The following CCDC146 variants were observed in gnomAD, a reference collection of about 807,000 sequenced individuals.
The protein encoded by CCDC146 is coiled-coil domain containing 146, also known as coiled-coil domain-containing protein 146.
In CCDC146, 92 loss-of-function variants were observed where a neutral mutation model predicts 119.3. The ratio of observed to expected loss-of-function variants is 0.77; its 90% CI spans 0.65 to 0.92. The LOEUF (loss-of-function observed/expected upper bound fraction) is 0.92, where lower values mean the gene tolerates loss of function less well. CCDC146 is among the 40% of genes least tolerant of loss of function. The pLI is 0.00. For missense variants in CCDC146, 1,000 were observed against 1,103.0 expected (o/e 0.91, Z 1.32); for synonymous variants, 372 against 371.8 (o/e 1.00, Z -0.01).
intron 2 of CCDC146, chr7:77,193,484 G>T (rs966468407): frequency 6.6e-6 from 1 of 152,060 alleles, no homozygotes; most frequent in South Asian, 2.1e-4. Flanking sequence ...ATACATAAAA[G>T]AAAAGAATTT....
intron 1 of CCDC146, among the ~76,000 whole-genome samples, chr7:77,135,574 G>A (rs1184770249): frequency 6.6e-6 from 1 of 152,172 alleles, no homozygotes; most frequent in Non-Finnish European, 1.5e-5. Context: ...GTTTATATCA[G>A]TTAGCCTATA....
chr7:77,273,418 A>G, intron 9 of CCDC146, among the ~76,000 whole-genome samples: 1 of 152,230 alleles, frequency 6.6e-6, no homozygotes, highest in East Asian at 1.9e-4. Context: ...AATATTTGGC[A>G]TAAAGGGAAG....
intron 2 of CCDC146, among the ~76,000 whole-genome samples, chr7:77,204,022 G>GT (rs34987148): frequency 0.018 from 2,649 of 147,870 alleles, 82 homozygotes; most frequent in African/African-American, 0.061. Context: ...CCCTAATACA[G>GT]TTTTTTTTTT....
intron 1 of CCDC146, among the ~76,000 whole-genome samples, chr7:77,164,180 TAAA>T (rs1040001414): frequency 6.6e-6 from 1 of 152,006 alleles, no homozygotes; most frequent in African/African-American, 2.4e-5. Flanking sequence ...AACTTCTTAA[TAAA>T]AAAGTTAAAT....
Position 77,254,582 on chromosome 7 carries a change from A to C in CCDC146, c.507+19A>C. 1 of 1,348,762 alleles carries C rather than the reference A, an allele frequency of 7.4e-7. No individual in the cohort carries two copies. The highest frequency in any genetic ancestry group is 1.0e-6 in the Non-Finnish European group (1 of 957,032). 83.5% of individuals were successfully genotyped at this position (1,348,762 alleles called of 1,614,324 possible). On this transcript the variant is annotated intron_variant, in intron 5 of 18. Coordinates refer to ENST00000285871, the MANE Select transcript of CCDC146 (RefSeq NM_020879.3). ...GCCAGGAGTAAGTCTTAGATGATAT[A>C]GAGTTTCTTAAATACAGCTGGATTC... is the stretch of plus-strand genomic sequence containing the variant.
intron 17 of CCDC146, among the ~76,000 whole-genome samples, chr7:77,289,086 G>C (rs1288329162): frequency 6.8e-6 from 1 of 146,182 alleles, no homozygotes; most frequent in Non-Finnish European, 1.5e-5. Context: ...ACAAAGTTGT[G>C]AGTCACACGT....
intron 2 of CCDC146, among the ~76,000 whole-genome samples, chr7:77,216,914 A>G (rs1792311424): frequency 1.3e-5 from 2 of 152,158 alleles, no homozygotes; most frequent in African/African-American, 4.8e-5. Flanking sequence ...CCCTAACAAC[A>G]TTTAGCTGAC....
chr7:77,153,338 A>AC (rs1364907251), intron 1 of CCDC146, among the ~76,000 whole-genome samples: 1 of 152,224 alleles, frequency 6.6e-6, no homozygotes, highest in East Asian at 1.9e-4. Flanking sequence ...CTAATTAGGT[A>AC]AGATATATAC....
At chr7:77,152,891 A>G (rs1000919523) in intron 1 of CCDC146, among the ~76,000 whole-genome samples, 2 of 152,226 alleles carry the variant, frequency 1.3e-5, no homozygotes, top group African/African-American at 4.8e-5. Flanking sequence ...TGAGGCCAAT[A>G]TGCTGAGATC....
chr7:77,234,470 C>T (rs1267369102), intron 2 of CCDC146, among the ~76,000 whole-genome samples: 3 of 152,226 alleles, frequency 2.0e-5, no homozygotes, highest in African/African-American at 7.2e-5. Context: ...CGCAGTGGCT[C>T]ACGCCTGTAA....
At chr7:77,177,106 G>T (rs1482153167) in intron 2 of CCDC146, among the ~76,000 whole-genome samples, 1 of 151,520 alleles carries the variant, frequency 6.6e-6, no homozygotes, top group Non-Finnish European at 1.5e-5. Context: ...AAAATGCTGG[G>T]ATTACAGGTG....
intron 8 of CCDC146, among the ~76,000 whole-genome samples, chr7:77,261,571 G>A (rs988486370): frequency 5.9e-5 from 9 of 152,032 alleles, no homozygotes; most frequent in Non-Finnish European, 1.2e-4. Context: ...TCCGCTTCCC[G>A]GGTTCACGCC....
At chr7:77,284,791 T>G (rs558103628) in intron 15 of CCDC146, among the ~76,000 whole-genome samples, 16 of 152,180 alleles carry the variant, frequency 1.1e-4, no homozygotes, top group Non-Finnish European at 1.9e-4. Flanking sequence ...AACTGAGACA[T>G]GCAGACTGTG....
At chr7:77,254,174 C>T (rs1193924691) in intron 4 of CCDC146, among the ~76,000 whole-genome samples, 2 of 152,162 alleles carry the variant, frequency 1.3e-5, no homozygotes, top group Admixed American at 6.5e-5. Flanking sequence ...TCCAGGCAGG[C>T]ACCCGCCCAT....
chr7:77,254,179 G>A (rs975875699), intron 4 of CCDC146, among the ~76,000 whole-genome samples: 1 of 152,150 alleles, frequency 6.6e-6, no homozygotes, highest in Non-Finnish European at 1.5e-5. Context: ...GCAGGCACCC[G>A]CCCATTCCAA....
At chr7:77,249,274 G>A (rs897136727) in intron 4 of CCDC146, among the ~76,000 whole-genome samples, 11 of 152,060 alleles carry the variant, frequency 7.2e-5, no homozygotes, top group Non-Finnish European at 8.8e-5. Flanking sequence ...GTCAGATCAC[G>A]AAGTCGAGAT....
At chr7:77,177,386 C>T (rs1310791238) in intron 2 of CCDC146, among the ~76,000 whole-genome samples, 1 of 152,136 alleles carries the variant, frequency 6.6e-6, no homozygotes, top group Non-Finnish European at 1.5e-5. Context: ...AGTATGTAAA[C>T]TTACTTTTCA....
intron 2 of CCDC146, among the ~76,000 whole-genome samples, chr7:77,203,184 G>A (rs983398634): frequency 1.3e-5 from 2 of 151,788 alleles, no homozygotes; most frequent in African/African-American, 4.8e-5. Flanking sequence ...GGAGATGGAG[G>A]CATTATTACC....
chr7:77,167,062 C>T (rs1190081346), intron 1 of CCDC146, among the ~76,000 whole-genome samples: 1 of 152,116 alleles, frequency 6.6e-6, no homozygotes, highest in African/African-American at 2.4e-5. Context: ...AAAAGAACAG[C>T]AGAACTTGTT....
Sources: gnomAD v4.1 joint callset for allele counts (sites outside exome capture counted in the v4.1 genomes callset) on GRCh38, gnomAD v4.1.1 for gene constraint, MANE v1.5 for transcripts, NCBI Gene and HGNC (gene_info 2026-07-23, HGNC 2026-07-21) for gene names.